The following BRINP3 variants were observed in gnomAD, a reference collection of about 807,000 sequenced individuals.
BRINP3 encodes the protein BMP/retinoic acid-inducible neural-specific protein 3.
A neutral mutation model predicts 71.0 loss-of-function variants in BRINP3; 19 were observed. That is an observed-to-expected ratio of 0.27 (90% CI 0.19 to 0.39). The LOEUF is 0.39. Ranked by LOEUF, BRINP3 falls within the 10% of genes least tolerant of loss-of-function variation. BRINP3 has a pLI of 1.00. For missense variants in BRINP3, 959 were observed against 940.8 expected, an observed-to-expected ratio of 1.02 and a Z score of -0.25; for synonymous variants, 380 against 337.7, an observed-to-expected ratio of 1.13 and a Z score of -1.37.
At chr1:190,450,586 T>C (rs2102608205) in intron 2 of BRINP3, among the ~76,000 whole-genome samples, 1 of 152,270 alleles carries the variant, frequency 6.6e-6, no homozygotes, top group Admixed American at 6.5e-5. Context: ...TATCAGTAAA[T>C]ACTTGTCCAA....
At chr1:190,207,007 TC>T (rs1265230024) in intron 6 of BRINP3, among the ~76,000 whole-genome samples, 3 of 150,674 alleles carry the variant, frequency 2.0e-5, no homozygotes, top group Non-Finnish European at 3.0e-5. Context: ...TTTTTTTTTT[TC>T]AGAAAAGTGG....
chr1:190,137,795 A>G (rs1410583072), intron 7 of BRINP3, among the ~76,000 whole-genome samples: 1 of 152,220 alleles, frequency 6.6e-6, no homozygotes, highest in Admixed American at 6.5e-5. Context: ...CTAAAAGAGA[A>G]TAAAGAAAAA....
chr1:190,244,801 G>A (rs1659433453), intron 4 of BRINP3, among the ~76,000 whole-genome samples: 1 of 151,902 alleles, frequency 6.6e-6, no homozygotes. Flanking sequence ...AGCCAGTATA[G>A]TATATTAGAA....
chr1:190,409,902 C>T (rs1225435170), intron 2 of BRINP3, among the ~76,000 whole-genome samples: 1 of 152,058 alleles, frequency 6.6e-6, no homozygotes. Flanking sequence ...AGAGAGAGGA[C>T]AAAATCACCT....
intron 2 of BRINP3, among the ~76,000 whole-genome samples, chr1:190,373,857 C>T (rs1412293231): frequency 2.0e-5 from 3 of 150,794 alleles, no homozygotes; most frequent in Non-Finnish European, 3.0e-5. Context: ...TACTTTTGCA[C>T]CAACCTAACA....
intron 3 of BRINP3, among the ~76,000 whole-genome samples, chr1:190,278,920 T>C (rs376383862): frequency 2.6e-5 from 4 of 151,288 alleles, no homozygotes; most frequent in Non-Finnish European, 4.4e-5. Flanking sequence ...GCATCCACCA[T>C]ATCAACATAG....
At chr1:190,366,212 A>T (rs1669489683) in intron 2 of BRINP3, among the ~76,000 whole-genome samples, 2 of 152,120 alleles carry the variant, frequency 1.3e-5, no homozygotes, top group Admixed American at 1.3e-4. Flanking sequence ...TAATTGAATC[A>T]CAGTTCTGCA....
At chr1:190,246,285 A>T (rs1324535050) in intron 4 of BRINP3, among the ~76,000 whole-genome samples, 1 of 152,004 alleles carries the variant, frequency 6.6e-6, no homozygotes, top group Non-Finnish European at 1.5e-5. Context: ...TCTAGAGACC[A>T]GAATCCCAGA....
At chr1:190,237,444 T>G (rs1234175884) in intron 4 of BRINP3, among the ~76,000 whole-genome samples, 1 of 151,878 alleles carries the variant, frequency 6.6e-6, no homozygotes, top group African/African-American at 2.4e-5. Context: ...ACTACAGAGA[T>G]GCTAACTGTG....
intron 2 of BRINP3, among the ~76,000 whole-genome samples, chr1:190,372,641 T>C (rs1195310493): frequency 3.3e-5 from 5 of 152,194 alleles, no homozygotes; most frequent in African/African-American, 7.2e-5. Context: ...GCAGAAAAGA[T>C]TGTGCCTGAA....
At chr1:190,258,322 T>C (rs1660860525) in intron 4 of BRINP3, among the ~76,000 whole-genome samples, 1 of 152,198 alleles carries the variant, frequency 6.6e-6, no homozygotes, top group South Asian at 2.1e-4. Flanking sequence ...GGTGTGTCAT[T>C]TGCTAAGACC....
chr1:190,383,118 C>T (rs1670656330), intron 2 of BRINP3, among the ~76,000 whole-genome samples: 1 of 152,080 alleles, frequency 6.6e-6, no homozygotes, highest in African/African-American at 2.4e-5. Context: ...CCCTATTCAA[C>T]TCATTTTGAT....
intron 3 of BRINP3, among the ~76,000 whole-genome samples, chr1:190,276,782 T>A (rs1571605055): frequency 6.6e-6 from 1 of 151,382 alleles, no homozygotes; most frequent in African/African-American, 2.4e-5. Flanking sequence ...AAGAGAATTT[T>A]TTTTGTATTG....
At chr1:190,455,303 G>T (rs930356253) in intron 1 of BRINP3, among the ~76,000 whole-genome samples, 1 of 151,874 alleles carries the variant, frequency 6.6e-6, no homozygotes, top group African/African-American at 2.4e-5. Flanking sequence ...CATAAATTGT[G>T]TTACAAATTT....
chr1:190,350,889 C>G (rs1238525073), intron 2 of BRINP3, among the ~76,000 whole-genome samples: 1 of 148,358 alleles, frequency 6.7e-6, no homozygotes, highest in Non-Finnish European at 1.5e-5. Context: ...ATGGTGCAAA[C>G]TTGGCTCACA....
At chr1:190,412,315 T>G (rs1334196920) in intron 2 of BRINP3, among the ~76,000 whole-genome samples, 1 of 150,270 alleles carries the variant, frequency 6.7e-6, no homozygotes, top group Non-Finnish European at 1.5e-5. Context: ...AATCTTGTGA[T>G]GAAGGAAATT....
At chr1:190,468,258 A>G (rs1388359868) in intron 1 of BRINP3, among the ~76,000 whole-genome samples, 1 of 151,294 alleles carries the variant, frequency 6.6e-6, no homozygotes, top group Admixed American at 6.6e-5. Context: ...TTACCTTACT[A>G]AAGATTATTA....
At chr1:190,352,645 T>C (rs1384003864) in intron 2 of BRINP3, among the ~76,000 whole-genome samples, 1 of 152,036 alleles carries the variant, frequency 6.6e-6, no homozygotes, top group Non-Finnish European at 1.5e-5. Flanking sequence ...CATATTTATA[T>C]GAAACATCTC....
At chr1:190,454,495 A>G (rs1435985146) in intron 2 of BRINP3, among the ~76,000 whole-genome samples, 160 bp downstream of exon 2, 1 of 152,210 alleles carries the variant, frequency 6.6e-6, no homozygotes, top group African/African-American at 2.4e-5. Context: ...CATCTATAAG[A>G]AATACTTTGA....
Sources: gnomAD v4.1 joint callset for allele counts (sites outside exome capture counted in the v4.1 genomes callset) on GRCh38, gnomAD v4.1.1 for gene constraint, MANE v1.5 for transcripts, NCBI Gene and HGNC (gene_info 2026-07-23, HGNC 2026-07-21) for gene names.